Variants in C1orf21 observed in about 807,000 individuals in gnomAD.
C1orf21 encodes the protein uncharacterized protein C1orf21.
A neutral mutation model predicts 18.7 loss-of-function variants in C1orf21; 3 were observed. The ratio of observed to expected loss-of-function variants is 0.16; its 90% CI spans 0.07 to 0.42. C1orf21 has a LOEUF of 0.42. Ranked by LOEUF, C1orf21 falls within the 10% of genes least tolerant of loss-of-function variation. The pLI, the probability that C1orf21 is intolerant of heterozygous loss-of-function variation, is 0.99. For missense variants in C1orf21, 104 were observed against 143.6 expected (o/e 0.72, Z 1.41); for synonymous variants, 41 against 46.4 (o/e 0.88, Z 0.47).
chr1:184,616,704 G>A (rs1045035152), intron 5 of C1orf21, among the ~76,000 whole-genome samples: 20 of 131,660 alleles, frequency 1.5e-4, no homozygotes, highest in South Asian at 9.8e-4. Flanking sequence ...GTGTGCACAC[G>A]TGTGTATGTG....
chr1:184,476,583 A>G (rs1657574201), intron 1 of C1orf21, among the ~76,000 whole-genome samples: 1 of 152,196 alleles, frequency 6.6e-6, no homozygotes, highest in Admixed American at 6.5e-5. Flanking sequence ...ACTTAAGTCA[A>G]TTTGAAGATT....
At chr1:184,388,759 T>A (rs1655926399) in intron 1 of C1orf21, among the ~76,000 whole-genome samples, 1 of 152,176 alleles carries the variant, frequency 6.6e-6, no homozygotes, top group Non-Finnish European at 1.5e-5. Flanking sequence ...AATAACCTTT[T>A]GATTTGATAG....
In C1orf21 at chr1:184,510,008, G is replaced by A. The variant is rs137901762; in HGVS notation, c.189+2326G>A. On this transcript the variant is annotated intron_variant, in intron 3 of 5. Coordinates refer to ENST00000235307, the MANE Select transcript of C1orf21 (RefSeq NM_030806.4). Reference sequence around the variant, plus strand: ...GTGAGTACTGCGTGAGATGATAGTCGTAAGACTGAGTTCAGTGCTTAGCAC... The same window carrying A: ...GTGAGTACTGCGTGAGATGATAGTCATAAGACTGAGTTCAGTGCTTAGCAC... Among the ~76,000 whole-genome samples the A allele has an allele frequency of 4.1e-3, 622 of 152,320 alleles. 7 individuals are homozygous for A. Among genetic ancestry groups the A allele is most frequent in the Non-Finnish European group, 6.9e-3 (470 of 68,034 alleles).
chr1:184,399,817 A>G (rs901044436), intron 1 of C1orf21, among the ~76,000 whole-genome samples: 1 of 152,174 alleles, frequency 6.6e-6, no homozygotes, highest in South Asian at 2.1e-4. Context: ...TAAGGGTTAT[A>G]AAATGGTGAT....
chr1:184,471,883 G>A (rs1287944680), intron 1 of C1orf21, among the ~76,000 whole-genome samples: 1 of 152,104 alleles, frequency 6.6e-6, no homozygotes, highest in Non-Finnish European at 1.5e-5. Context: ...TGATGCCAGC[G>A]ATTGTTGGGT....
At chr1:184,557,481 A>G (rs1658895568) in intron 3 of C1orf21, among the ~76,000 whole-genome samples, 1 of 152,060 alleles carries the variant, frequency 6.6e-6, no homozygotes, top group Non-Finnish European at 1.5e-5. Context: ...GCTCCCACTT[A>G]TGAGTGAGAA....
intron 1 of C1orf21, among the ~76,000 whole-genome samples, chr1:184,453,918 G>T (rs1436470986): frequency 6.6e-6 from 1 of 152,174 alleles, no homozygotes; most frequent in Non-Finnish European, 1.5e-5. Context: ...TTTCTTTCCA[G>T]CTGTTGGAGA....
At chr1:184,440,733 A>G (rs1362425932) in intron 1 of C1orf21, among the ~76,000 whole-genome samples, 4 of 152,186 alleles carry the variant, frequency 2.6e-5, no homozygotes, top group South Asian at 4.1e-4. Flanking sequence ...AAGGGTTTAT[A>G]AAGTCTGTGA....
intron 1 of C1orf21, among the ~76,000 whole-genome samples, chr1:184,457,683 T>C (rs1033652970): frequency 2.6e-5 from 4 of 152,172 alleles, no homozygotes; most frequent in African/African-American, 9.7e-5. Flanking sequence ...TCTTGCCAGC[T>C]ATCCATGTGC....
rs182296636 is a variant in C1orf21, at chr1:184,588,453, G to A, written c.190-2286G>A. Among the ~76,000 whole-genome samples, 393 of 152,230 alleles carry A rather than the reference G, an allele frequency of 2.6e-3. 1 individual carries two copies. Among genetic ancestry groups the A allele is most frequent in the African/African-American group, 9.3e-3 (385 of 41,536 alleles). ...AGGGTCTTGACCCTAAAAAGTTTGA[G>A]AAATGCTGAGCTAGTAGTGAACAGC... On this transcript the variant is annotated intron_variant, in intron 3 of 5. Transcript: ENST00000235307.
intron 3 of C1orf21, among the ~76,000 whole-genome samples, chr1:184,572,812 C>T (rs756689099): frequency 1.3e-5 from 2 of 152,026 alleles, no homozygotes; most frequent in African/African-American, 4.8e-5. Context: ...ATCAGCCACG[C>T]ATGGTGGCAT....
intron 1 of C1orf21, among the ~76,000 whole-genome samples, chr1:184,424,465 T>G (rs1340795971): frequency 6.6e-6 from 1 of 152,238 alleles, no homozygotes; most frequent in East Asian, 1.9e-4. Context: ...TCAAACTGTC[T>G]GTCCTGATAA....
At chr1:184,583,550 G>A (rs1285014861) in intron 3 of C1orf21, among the ~76,000 whole-genome samples, 2 of 152,212 alleles carry the variant, frequency 1.3e-5, no homozygotes, top group Admixed American at 1.3e-4. Context: ...CAAGGCTTAG[G>A]TTGAAAGCTG....
At chr1:184,406,886 T>G (rs1571343610) in intron 1 of C1orf21, among the ~76,000 whole-genome samples, 1 of 152,168 alleles carries the variant, frequency 6.6e-6, no homozygotes. Flanking sequence ...CCTCAACTTC[T>G]GGGCTCAAGT....
At chr1:184,596,825 C>T (rs1268806121) in intron 4 of C1orf21, among the ~76,000 whole-genome samples, 1 of 149,598 alleles carries the variant, frequency 6.7e-6, no homozygotes, top group African/African-American at 2.5e-5. Flanking sequence ...GAGCTGGGAT[C>T]GCACCACTGT....
chr1:184,415,161 G>T (rs1236402024), intron 1 of C1orf21, among the ~76,000 whole-genome samples: 3 of 152,164 alleles, frequency 2.0e-5, no homozygotes, highest in African/African-American at 7.2e-5. Flanking sequence ...AAGTTGTGGG[G>T]TGTTGCATTG....
intron 1 of C1orf21, among the ~76,000 whole-genome samples, chr1:184,394,364 G>T (rs1656017600): frequency 6.6e-6 from 1 of 151,826 alleles, no homozygotes; most frequent in Non-Finnish European, 1.5e-5. Context: ...GGTGACTTAT[G>T]GTTTTTCCCA....
chr1:184,582,553 T>A lies in C1orf21; in HGVS notation c.190-8186T>A, dbSNP rs75094907. ...CTTTTCTCTAGGCCTCCAGCATCTA[T>A]CTGGCCCCTGAGATTTCTCTGTAAG... is the stretch of plus-strand genomic sequence containing the variant. On this transcript the variant is annotated intron_variant, in intron 3 of 5. Transcript: ENST00000235307. Among the ~76,000 whole-genome samples, 864 of 152,324 alleles carry A rather than the reference T, an allele frequency of 5.7e-3. 9 individuals are homozygous for A. Among genetic ancestry groups the A allele is most frequent in the African/African-American group, 0.02 (826 of 41,576 alleles).
At chr1:184,446,710 T>TG (rs1435040031) in intron 1 of C1orf21, among the ~76,000 whole-genome samples, 1 of 150,310 alleles carries the variant, frequency 6.7e-6, no homozygotes, top group Non-Finnish European at 1.5e-5. Context: ...GGGTCCTGAG[T>TG]GAAAAAAAAA....
Sources: allele counts gnomAD v4.1 joint callset (sites outside exome capture counted in the v4.1 genomes callset), GRCh38; gene constraint gnomAD v4.1.1; transcripts MANE v1.5; gene names NCBI Gene and HGNC (gene_info 2026-07-23, HGNC 2026-07-21).